NEDD9: variants seen among roughly 807,000 people sequenced by gnomAD.
NEDD9 encodes the protein enhancer of filamentation 1.
A neutral mutation model predicts 76.6 loss-of-function variants in NEDD9; 26 were observed. The observed-to-expected ratio is 0.34, with a 90% CI of 0.25 to 0.47. The LOEUF (loss-of-function observed/expected upper bound fraction) is 0.47, where lower values mean the gene tolerates loss of function less well. Ranked by LOEUF, NEDD9 falls within the 20% of genes least tolerant of loss-of-function variation. The pLI is 1.00. For missense variants in NEDD9, 937 were observed against 1,058.5 expected (o/e 0.89, Z 1.59); for synonymous variants, 392 against 414.2 (o/e 0.95, Z 0.65).
At chr6:11,330,656 G>A (rs1762016642) in intron 2 of NEDD9, among the ~76,000 whole-genome samples, 1 of 152,196 alleles carries the variant, frequency 6.6e-6, no homozygotes, top group Non-Finnish European at 1.5e-5. Context: ...AGGGCAGCCT[G>A]TTTCCTGCTT....
At chr6:11,208,016 A>G (rs1368216528) in intron 2 of NEDD9, among the ~76,000 whole-genome samples, 1 of 152,142 alleles carries the variant, frequency 6.6e-6, no homozygotes, top group Non-Finnish European at 1.5e-5. Context: ...CGTCTCTACT[A>G]AAAGCACAAA....
At chr6:11,196,398 C>T (rs1758295238) in intron 2 of NEDD9, among the ~76,000 whole-genome samples, 1 of 152,134 alleles carries the variant, frequency 6.6e-6, no homozygotes, top group African/African-American at 2.4e-5. Flanking sequence ...CACTAGGTGA[C>T]ATATAAACAC....
chr6:11,304,018 G>A (rs2113411362), intron 3 of NEDD9, among the ~76,000 whole-genome samples: 1 of 152,288 alleles, frequency 6.6e-6, no homozygotes, highest in African/African-American at 2.4e-5. Context: ...AGAGTGAACA[G>A]GCAGCCTACA....
chr6:11,313,525 TG>T lies in NEDD9; in HGVS notation c.-152-7371del, dbSNP rs139445820. ...ATGAATGAATAGATGGATGGGTGGA[TG>T]GATAGGTGAATGGGTGGATGGATGG... is the stretch of plus-strand genomic sequence containing the variant. On this transcript the variant is annotated intron_variant, in intron 2 of 3. Coordinates refer to the NEDD9 transcript ENST00000397378. Among the ~76,000 whole-genome samples the T allele has an allele frequency of 6.1e-3, 829 of 136,748 alleles. 8 individuals are homozygous for T. The highest frequency in any genetic ancestry group is 0.021 in the African/African-American group (802 of 37,826). The allele number at this position is 136,748 out of a possible 152,430, so 89.7% of individuals were successfully genotyped here.
At chr6:11,210,081 C>G (rs1463592524) in intron 2 of NEDD9, among the ~76,000 whole-genome samples, 2 of 150,620 alleles carry the variant, frequency 1.3e-5, no homozygotes, top group African/African-American at 4.9e-5. Flanking sequence ...TGGAAAGTCC[C>G]AAATCATAAT....
intron 2 of NEDD9, among the ~76,000 whole-genome samples, chr6:11,323,862 C>T (rs997190716): frequency 1.3e-5 from 2 of 152,214 alleles, no homozygotes; most frequent in South Asian, 2.1e-4. Flanking sequence ...TAGCTAGTTT[C>T]CCACCCATTC....
At chr6:11,289,255 A>T (rs1760712563) in intron 3 of NEDD9, among the ~76,000 whole-genome samples, 1 of 152,246 alleles carries the variant, frequency 6.6e-6, no homozygotes, top group African/African-American at 2.4e-5. Flanking sequence ...GAATTCTTCC[A>T]CTGTACTCTT....
chr6:11,238,026 T>G (rs536454192), intron 3 of NEDD9, among the ~76,000 whole-genome samples: 1 of 152,216 alleles, frequency 6.6e-6, no homozygotes, highest in Non-Finnish European at 1.5e-5. Context: ...ACTTTTCCAG[T>G]CTTTTACAAG....
At chr6:11,232,944 T>C (rs927622632), upstream of NEDD9, among the ~76,000 whole-genome samples, 6 of 152,130 alleles carry the variant, frequency 3.9e-5, no homozygotes, top group Non-Finnish European at 8.8e-5. Flanking sequence ...ATACATTCTT[T>C]TTAAGATTAA....
Position 11,335,209 on chromosome 6 carries a change from T to A in NEDD9, c.-213-648A>T, listed in dbSNP as rs531851984. Among the ~76,000 whole-genome samples the A allele has an allele frequency of 5.9e-5, 9 of 152,294 alleles. No individual in the cohort carries two copies. The South Asian group carries it at 6.2e-4, about 11-fold the overall frequency. ...ACCATTTCTTGATCGGATTGTGACATGCAATGAAAAGTGGATTTTATACAA... is the reference window on the plus strand; with the variant it reads ...ACCATTTCTTGATCGGATTGTGACAAGCAATGAAAAGTGGATTTTATACAA... On this transcript the variant is annotated intron_variant, in intron 1 of 3. Transcript: ENST00000397378.
At chr6:11,351,407 T>A (rs1468629203) in intron 1 of NEDD9, among the ~76,000 whole-genome samples, 1 of 152,108 alleles carries the variant, frequency 6.6e-6, no homozygotes, top group African/African-American at 2.4e-5. Context: ...TCAGGACATA[T>A]TGCCCCTGAA....
chr6:11,192,263 A>AAC, intron 4 of NEDD9, 82 bp downstream of exon 4: 1 of 271,968 alleles, frequency 3.7e-6, no homozygotes, highest in African/African-American at 3.6e-5. Flanking sequence ...TGAACTACTT[A>AAC]CCCACCCTCC....
intron 1 of NEDD9, among the ~76,000 whole-genome samples, chr6:11,217,417 T>C (rs1461370453): frequency 6.6e-6 from 1 of 152,180 alleles, no homozygotes; most frequent in African/African-American, 2.4e-5. Flanking sequence ...CCCCCTTGGA[T>C]ATTTATCTCC....
At chr6:11,300,696 G>A (rs1445537526) in intron 3 of NEDD9, among the ~76,000 whole-genome samples, 1 of 152,116 alleles carries the variant, frequency 6.6e-6, no homozygotes, top group Non-Finnish European at 1.5e-5. Flanking sequence ...AGAAGAGAGT[G>A]GGGGCCAATA....
intron 1 of NEDD9, among the ~76,000 whole-genome samples, chr6:11,348,223 C>T (rs947977049): frequency 3.7e-4 from 56 of 152,066 alleles, no homozygotes; most frequent in African/African-American, 1.1e-3. Flanking sequence ...CAGCTAACCA[C>T]GGAGGTGAAA....
intron 3 of NEDD9, among the ~76,000 whole-genome samples, chr6:11,269,391 A>T (rs778087997): frequency 6.6e-6 from 1 of 152,244 alleles, no homozygotes; most frequent in African/African-American, 2.4e-5. Flanking sequence ...TTTATAGTCA[A>T]TCTAGTTTAT....
In NEDD9 at chr6:11,201,908, T is replaced by G. The variant is rs192788199; in HGVS notation, c.460-8216A>C. Among the ~76,000 whole-genome samples the G allele has an allele frequency of 2.6e-5, 4 of 152,266 alleles. No homozygotes were observed. In the East Asian group the frequency reaches 7.7e-4, roughly 29 times the overall value. ...CAATCCTTTGCCTCCAATATAGAGATAGTGACTTGATTATTGACCAGTGGA... is the reference window on the plus strand; with the variant it reads ...CAATCCTTTGCCTCCAATATAGAGAGAGTGACTTGATTATTGACCAGTGGA... On this transcript the variant is annotated intron_variant, in intron 2 of 6. Transcript: ENST00000379446.
chr6:11,312,549 C>G (rs994352586), intron 2 of NEDD9, among the ~76,000 whole-genome samples: 1 of 152,088 alleles, frequency 6.6e-6, no homozygotes, highest in African/African-American at 2.4e-5. Flanking sequence ...GTAGCCAGAG[C>G]TGATGTCTCT....
chr6:11,381,393 G>A (rs1455298692), intron 1 of NEDD9, among the ~76,000 whole-genome samples: 1 of 152,186 alleles, frequency 6.6e-6, no homozygotes, highest in African/African-American at 2.4e-5. Flanking sequence ...CTTTCAGAAC[G>A]ATTGTCCCCT....
Sources: gnomAD v4.1 joint callset for allele counts (sites outside exome capture counted in the v4.1 genomes callset) on GRCh38, gnomAD v4.1.1 for gene constraint, MANE v1.5 for transcripts, NCBI Gene and HGNC (gene_info 2026-07-23, HGNC 2026-07-21) for gene names.